Variants in LMX1B observed in about 807,000 individuals in gnomAD.
The protein encoded by LMX1B is LIM homeobox transcription factor 1-beta.
A neutral mutation model predicts 51.4 loss-of-function variants in LMX1B; 12 were observed. That is an observed-to-expected ratio of 0.23 (90% CI 0.15 to 0.38). LMX1B has a LOEUF of 0.38. Ranked by LOEUF, LMX1B falls within the 10% of genes least tolerant of loss-of-function variation. The pLI is 1.00. For missense variants in LMX1B, 445 were observed against 571.1 expected, an observed-to-expected ratio of 0.78 and a Z score of 2.25; for synonymous variants, 237 against 235.4, an observed-to-expected ratio of 1.01 and a Z score of -0.06.
At chr9:126,666,971 C>T (rs1043381462) in intron 2 of LMX1B, among the ~76,000 whole-genome samples, 4 of 152,180 alleles carry the variant, frequency 2.6e-5, no homozygotes, top group South Asian at 2.1e-4. Flanking sequence ...AATGACAAAT[C>T]GGTCTCTTTT....
intron 2 of LMX1B, among the ~76,000 whole-genome samples, chr9:126,688,357 G>A (rs1044522259): frequency 2.6e-5 from 4 of 152,202 alleles, no homozygotes; most frequent in African/African-American, 7.2e-5. Flanking sequence ...TTTCCTCTCC[G>A]GGAGTCACCC....
intron 2 of LMX1B, among the ~76,000 whole-genome samples, chr9:126,666,500 AAAGT>A (rs1483055486): frequency 1.3e-5 from 2 of 152,200 alleles, no homozygotes; most frequent in African/African-American, 4.8e-5. Context: ...AGAGGGTGGA[AAAGT>A]AAGTGAGGGC....
At chr9:126,685,255 CA>C (rs1307560103) in intron 2 of LMX1B, among the ~76,000 whole-genome samples, 1 of 152,064 alleles carries the variant, frequency 6.6e-6, no homozygotes, top group African/African-American at 2.4e-5. Flanking sequence ...GAATTTTAAG[CA>C]CTAAGGAGGC....
chr9:126,667,861 T>C lies in LMX1B; in HGVS notation c.327-22975T>C, dbSNP rs1836372625. ...CACAGTGCCTGCCCACAGTAGCTGC[T>C]CAGTAAGCAAGGGCCAGTTAAATCA... On this transcript the variant is annotated intron_variant, in intron 2 of 7. Coordinates refer to ENST00000373474, the MANE Select transcript of LMX1B (RefSeq NM_001174147.2). Among the ~76,000 whole-genome samples the C allele has an allele frequency of 2.0e-5, 3 of 152,222 alleles. 1 individual carries two copies. In the South Asian group the frequency reaches 6.2e-4, roughly 32 times the overall value.
chr9:126,685,434 A>G (rs1290269895), intron 2 of LMX1B, among the ~76,000 whole-genome samples: 3 of 152,196 alleles, frequency 2.0e-5, no homozygotes, highest in Non-Finnish European at 4.4e-5. Flanking sequence ...ATCTAACTTC[A>G]TGAGGAGGCA....
At position 126,625,192 on chromosome 9, in the gene LMX1B, G is replaced by A. The variant is rs1167557128; in HGVS notation, c.326+9623G>A. Among the ~76,000 whole-genome samples the A allele has an allele frequency of 6.6e-6, 1 of 152,240 alleles. No homozygotes were observed. The highest frequency in any genetic ancestry group is 1.5e-5 in the Non-Finnish European group (1 of 68,038). The stretch of plus-strand genomic sequence containing the variant: ...CTTCCGAGGACGGCGGGAAGAGGGG[G>A]CTCCGGCCCTGTAGCCCCCTGACGC... On this transcript the variant is annotated intron_variant, in intron 2 of 7. Transcript: ENST00000373474. The surrounding 1 kb of genome is among the most constrained non-coding windows in gnomAD (Gnocchi z 5.3).
At chr9:126,638,893 C>G (rs895227061) in intron 2 of LMX1B, among the ~76,000 whole-genome samples, 9 of 152,182 alleles carry the variant, frequency 5.9e-5, no homozygotes, top group African/African-American at 2.2e-4. Context: ...GGTGCCTAAT[C>G]CTATTGGGCG....
At position 126,683,152 on chromosome 9, in the gene LMX1B, AG is replaced by A. The variant is rs746695181; in HGVS notation, c.327-7682del. On this transcript the variant is annotated intron_variant, in intron 2 of 7. Coordinates refer to ENST00000373474, the MANE Select transcript of LMX1B (RefSeq NM_001174147.2). Reference sequence around the variant, plus strand: ...GAAGCGCAGGGGCAGCCCTCGCTGCAGGCCCGGCCCCGACGCGGCGAGGAGG... The same window carrying A: ...GAAGCGCAGGGGCAGCCCTCGCTGCAGCCCGGCCCCGACGCGGCGAGGAGG... Among the ~76,000 whole-genome samples the A allele has an allele frequency of 4.6e-5, 7 of 151,032 alleles. No individual in the cohort carries two copies. In the South Asian group the frequency reaches 1.0e-3, roughly 22 times the overall value.
chr9:126,672,585 TG>T (rs1836477797), intron 2 of LMX1B, among the ~76,000 whole-genome samples: 1 of 152,154 alleles, frequency 6.6e-6, no homozygotes, highest in Non-Finnish European at 1.5e-5. Context: ...ACTGTGAGCC[TG>T]GAAGGGGGTT....
At chr9:126,678,798 G>A (rs1447369466) in intron 2 of LMX1B, among the ~76,000 whole-genome samples, 1 of 152,128 alleles carries the variant, frequency 6.6e-6, no homozygotes, top group East Asian at 1.9e-4. Context: ...TTATCTCAAT[G>A]AGAATAATTT....
intron 2 of LMX1B, among the ~76,000 whole-genome samples, chr9:126,645,048 A>T (rs995014440): frequency 6.6e-6 from 1 of 152,146 alleles, no homozygotes; most frequent in East Asian, 1.9e-4. Flanking sequence ...GCCCAGCGGC[A>T]TAGGCGTCCT....
Position 126,631,508 on chromosome 9 carries a change from CGG to C in LMX1B, c.326+15940_326+15941del, listed in dbSNP as rs1237195489. The stretch of plus-strand genomic sequence containing the variant: ...AGTTGCTCAGCTTCCTGGCTCAGCT[CGG>C]CCGGCCGGGATGGGGCAGGCCTATC... On this transcript the variant is annotated intron_variant, in intron 2 of 7. Transcript: ENST00000373474. Among the ~76,000 whole-genome samples, 833 of 151,212 alleles carry C rather than the reference CGG, an allele frequency of 5.5e-3. 7 individuals are homozygous for C. Among genetic ancestry groups the C allele is most frequent in the African/African-American group, 0.019 (790 of 41,260 alleles).
At chr9:126,659,151 C>T (rs1241541907) in intron 2 of LMX1B, among the ~76,000 whole-genome samples, 5 of 152,250 alleles carry the variant, frequency 3.3e-5, no homozygotes, top group African/African-American at 4.8e-5. Flanking sequence ...CAGAAGGGCC[C>T]TGTCACAGGC....
intron 2 of LMX1B, among the ~76,000 whole-genome samples, chr9:126,675,749 A>G (rs1448485598): frequency 7.1e-6 from 1 of 141,232 alleles, no homozygotes; most frequent in Non-Finnish European, 1.5e-5. Context: ...AAAAAAAAAA[A>G]GATAAAAAAT....
chr9:126,622,166 C>T (rs1156453342), intron 2 of LMX1B, among the ~76,000 whole-genome samples: 1 of 152,158 alleles, frequency 6.6e-6, no homozygotes, highest in Non-Finnish European at 1.5e-5. Context: ...GGGAGCTTGG[C>T]TCGGACCAGC....
chr9:126,655,513 T>C (rs1379680213), intron 2 of LMX1B, among the ~76,000 whole-genome samples: 1 of 152,162 alleles, frequency 6.6e-6, no homozygotes, highest in Non-Finnish European at 1.5e-5. Flanking sequence ...CCCTACTAGC[T>C]GAGAGGCCCT....
In LMX1B at chr9:126,695,385, C is replaced by T. The variant is rs919657196; in HGVS notation, c.887-454C>T. The stretch of plus-strand genomic sequence containing the variant: ...CACTTACCCGGCGGTCTGTCTCCTC[C>T]ATGCCTTTGCCGCCCCTCAGCCTGG... On this transcript the variant is annotated intron_variant, in intron 6 of 7. Transcript: ENST00000373474. This position sits in a 1 kb window ranked among gnomAD's most constrained non-coding sequence, Gnocchi z 5.2. Among the ~76,000 whole-genome samples the T allele has an allele frequency of 6.6e-6, 1 of 152,224 alleles. No individual in the cohort carries two copies. The highest frequency in any genetic ancestry group is 1.5e-5 in the Non-Finnish European group (1 of 68,048).
chr9:126,624,078 A>C (rs778242677), intron 2 of LMX1B, among the ~76,000 whole-genome samples: 1 of 152,266 alleles, frequency 6.6e-6, no homozygotes, highest in African/African-American at 2.4e-5. Flanking sequence ...TAATACGCGC[A>C]CACGGTCCTG....
intron 2 of LMX1B, among the ~76,000 whole-genome samples, chr9:126,634,332 G>C (rs1461130436): frequency 6.6e-6 from 1 of 152,190 alleles, no homozygotes; most frequent in East Asian, 1.9e-4. Flanking sequence ...CACCGGGCAG[G>C]TCTCTGAAGC....
Sources: allele counts gnomAD v4.1 joint callset (sites outside exome capture counted in the v4.1 genomes callset), GRCh38; gene constraint gnomAD v4.1.1; non-coding constraint Gnocchi (gnomAD v3.1); transcripts MANE v1.5; gene names NCBI Gene and HGNC (gene_info 2026-07-23, HGNC 2026-07-21).